EXOC4: variants seen among roughly 807,000 people sequenced by gnomAD.
EXOC4 encodes the protein SEC8-like 1.
Under a neutral mutation model 107.2 loss-of-function variants are expected in EXOC4, and 71 were observed. The ratio of observed to expected loss-of-function variants is 0.66; its 90% confidence interval spans 0.55 to 0.81. EXOC4 has a LOEUF of 0.81. Among genes scored for constraint, EXOC4 ranks in the 30% least tolerant of loss-of-function variants. The pLI is 0.00. For synonymous variants in EXOC4, 456 were observed against 441.2 expected (o/e 1.03, Z -0.42); for missense variants, 1,108 against 1,189.6 (o/e 0.93, Z 1.01).
chr7:133,773,704 G>C (rs1562991489), intron 10 of EXOC4, among the ~76,000 whole-genome samples: 1 of 151,844 alleles, frequency 6.6e-6, no homozygotes, highest in Admixed American at 6.6e-5. Context: ...GGATGCACTG[G>C]CACTTCTTTC....
At chr7:133,363,375 C>A (rs1270117175) in intron 6 of EXOC4, among the ~76,000 whole-genome samples, 1 of 152,086 alleles carries the variant, frequency 6.6e-6, no homozygotes, top group Non-Finnish European at 1.5e-5. Context: ...AGTCTATATA[C>A]TTTCTAGTAA....
At chr7:133,346,825 G>T (rs1045041668) in intron 5 of EXOC4, among the ~76,000 whole-genome samples, 1 of 152,134 alleles carries the variant, frequency 6.6e-6, no homozygotes, top group African/African-American at 2.4e-5. Flanking sequence ...ATCATGCGTA[G>T]TATAAGGAAT....
At chr7:133,417,953 C>T (rs1171686138) in intron 7 of EXOC4, among the ~76,000 whole-genome samples, 2 of 152,092 alleles carry the variant, frequency 1.3e-5, no homozygotes, top group African/African-American at 4.8e-5. Context: ...AAGTGAAAGC[C>T]ATAGTATTAA....
intron 12 of EXOC4, 81 bp downstream of exon 12, chr7:133,895,816 T>A: frequency 6.9e-7 from 1 of 1,451,912 alleles, no homozygotes; most frequent in Non-Finnish European, 9.4e-7. Flanking sequence ...TTCAATAGCC[T>A]AATTTCCAAA....
chr7:133,717,324 A>T (rs566144266), intron 10 of EXOC4, among the ~76,000 whole-genome samples: 1 of 152,312 alleles, frequency 6.6e-6, no homozygotes, highest in African/African-American at 2.4e-5. Context: ...AGTATTATTC[A>T]TTTAATAGCT....
rs79354410 is a variant in EXOC4 at position 133,677,000 on chromosome 7, C to G, written c.1514+46859C>G. Among the ~76,000 whole-genome samples the G allele has an allele frequency of 1.5e-3, 226 of 146,414 alleles. 1 individual carries two copies. Among genetic ancestry groups the G allele is most frequent in the African/African-American group, 5.4e-3 (214 of 39,556 alleles). ...GTGTTGAGAACAAAGTGATGAATCA[C>G]CAAGGCTTCAGAGTTCTTGCCTCCT... On this transcript the variant is annotated intron_variant, in intron 10 of 17. Coordinates refer to ENST00000253861, the MANE Select transcript of EXOC4 (RefSeq NM_021807.4).
intron 9 of EXOC4, among the ~76,000 whole-genome samples, chr7:133,508,075 G>T (rs1799699048): frequency 6.6e-6 from 1 of 151,426 alleles, no homozygotes; most frequent in Non-Finnish European, 1.5e-5. Context: ...AAAAAGAAAA[G>T]AAAAGAAAAG....
chr7:133,960,384 G>C (rs951009317), intron 14 of EXOC4, among the ~76,000 whole-genome samples: 1 of 152,064 alleles, frequency 6.6e-6, no homozygotes, highest in Admixed American at 6.6e-5. Context: ...ATTTAGGGAG[G>C]GTTCCCTCTT....
intron 7 of EXOC4, among the ~76,000 whole-genome samples, chr7:133,467,534 A>G (rs532122813): frequency 1.4e-5 from 2 of 139,926 alleles, no homozygotes; most frequent in African/African-American, 5.3e-5. Context: ...ACTCTTTTTC[A>G]TTGCCTCATT....
intron 10 of EXOC4, among the ~76,000 whole-genome samples, chr7:133,783,178 T>C (rs939686184): frequency 2.6e-5 from 4 of 152,228 alleles, no homozygotes; most frequent in African/African-American, 9.6e-5. Flanking sequence ...CTACTGTGAA[T>C]ATAAGCCTTT....
At chr7:133,282,769 C>CA (rs1339517412) in intron 2 of EXOC4, among the ~76,000 whole-genome samples, 1 of 152,144 alleles carries the variant, frequency 6.6e-6, no homozygotes, top group Non-Finnish European at 1.5e-5. Context: ...ACATGCTTAT[C>CA]AGTTATTTGT....
chr7:133,996,238 A>G (rs1188598519), intron 14 of EXOC4, among the ~76,000 whole-genome samples: 1 of 152,212 alleles, frequency 6.6e-6, no homozygotes, highest in East Asian at 1.9e-4. Context: ...CATGATATAG[A>G]TACTATTACC....
chr7:133,688,742 T>G (rs1395346212), intron 10 of EXOC4, among the ~76,000 whole-genome samples: 2 of 152,166 alleles, frequency 1.3e-5, no homozygotes, highest in African/African-American at 2.4e-5. Context: ...ATTTTTTTTT[T>G]GTCAAGAGAT....
At chr7:134,099,456 C>T in the EXOC4 span, among the ~76,000 whole-genome samples, 1 of 151,090 alleles carries the variant, frequency 6.6e-6, no homozygotes, top group Non-Finnish European at 1.5e-5. Context: ...GCTGAACAAA[C>T]AGGCCTTCTA....
At chr7:134,060,067 C>G (rs969570196) in intron 17 of EXOC4, among the ~76,000 whole-genome samples, 2 of 152,058 alleles carry the variant, frequency 1.3e-5, no homozygotes, top group African/African-American at 4.8e-5. Flanking sequence ...ATAAAGCAAA[C>G]ATGAGGAAGA....
chr7:133,728,000 T>G (rs2151113748), intron 10 of EXOC4, among the ~76,000 whole-genome samples: 1 of 152,374 alleles, frequency 6.6e-6, no homozygotes, highest in East Asian at 1.9e-4. Flanking sequence ...TTAAAATTCT[T>G]TTAAATCATT....
chr7:133,465,299 T>C (rs556877050), intron 7 of EXOC4, among the ~76,000 whole-genome samples: 178 of 152,344 alleles, frequency 1.2e-3, no homozygotes, highest in African/African-American at 4.1e-3. Flanking sequence ...ACCATTTTTG[T>C]GCCATCCCCT....
intron 9 of EXOC4, among the ~76,000 whole-genome samples, chr7:133,495,875 A>T (rs528741641): frequency 6.6e-6 from 1 of 152,292 alleles, no homozygotes; most frequent in South Asian, 2.1e-4. Context: ...GCTTTAGGAG[A>T]TACAAGGATT....
chr7:133,822,285 C>T (rs550095002), intron 11 of EXOC4, among the ~76,000 whole-genome samples: 28 of 152,282 alleles, frequency 1.8e-4, no homozygotes, highest in Admixed American at 7.8e-4. Context: ...ATTCCTTAAA[C>T]ATGAGGAGAC....
Sources: allele counts gnomAD v4.1 joint callset (sites outside exome capture counted in the v4.1 genomes callset), GRCh38; gene constraint gnomAD v4.1.1; transcripts MANE v1.5; gene names NCBI Gene and HGNC (gene_info 2026-07-23, HGNC 2026-07-21).